Variants in CPXM2 observed in about 807,000 individuals in gnomAD.
CPXM2 encodes the protein carboxypeptidase X, M14 family member 2.
Under a neutral mutation model 86.1 loss-of-function variants are expected in CPXM2, and 66 were observed. The observed-to-expected ratio is 0.77, with a 90% CI of 0.63 to 0.94. The LOEUF (loss-of-function observed/expected upper bound fraction) is 0.94. Among genes scored for constraint, CPXM2 ranks in the 40% least tolerant of loss-of-function variants. The pLI is 0.00. For synonymous variants in CPXM2, 388 were observed against 400.2 expected (o/e 0.97, Z 0.36); for missense variants, 948 against 1,026.3 (o/e 0.92, Z 1.04).
rs1423884708 is a variant in CPXM2, at chr10:123,751,967, T to A, written c.2017+2696A>T. On this transcript the variant is annotated intron_variant, in intron 13 of 13. Transcript: ENST00000241305. ...AGCACCCATTAGGCAAAGTATTCTA[T>A]CTTGGCTTATGAGGCCCCAGGGTCT... The A allele has an allele frequency of 3.0e-6, 3 of 985,272 alleles. No homozygotes were observed. In the East Asian group the frequency reaches 3.4e-4, roughly 112 times the overall value. 61.0% of individuals were successfully genotyped at this position (985,272 alleles called of 1,614,324 possible). A position where few individuals can be genotyped will look rare whatever the true frequency, so the allele number is the denominator to read the frequency against.
upstream of CPXM2, among the ~76,000 whole-genome samples, chr10:123,895,542 T>C (rs572593503): frequency 1.3e-5 from 2 of 152,386 alleles, no homozygotes; most frequent in African/African-American, 4.8e-5. Flanking sequence ...AAAATTTCAA[T>C]AACTCCTTCT....
chr10:123,805,893 T>C (rs1213505954), intron 4 of CPXM2, among the ~76,000 whole-genome samples: 2 of 152,224 alleles, frequency 1.3e-5, no homozygotes, highest in African/African-American at 2.4e-5. Context: ...TGATAATTTC[T>C]ACTACTTCCA....
At chr10:123,882,221 T>C (rs1423389091) in intron 1 of CPXM2, among the ~76,000 whole-genome samples, 1 of 152,212 alleles carries the variant, frequency 6.6e-6, no homozygotes, top group East Asian at 1.9e-4. Flanking sequence ...TTCATTTCCA[T>C]GTAAGCTGAA....
intron 2 of CPXM2, among the ~76,000 whole-genome samples, chr10:123,936,962 G>A (rs1362359000): frequency 6.6e-6 from 1 of 152,176 alleles, no homozygotes; most frequent in African/African-American, 2.4e-5. Flanking sequence ...CTCCTCCCTG[G>A]AAGGCCGGGG....
At chr10:123,839,017 T>C (rs558418381) in intron 4 of CPXM2, among the ~76,000 whole-genome samples, 86 of 152,352 alleles carry the variant, frequency 5.6e-4, no homozygotes, top group African/African-American at 1.9e-3. Context: ...CCAAGAAAGA[T>C]TTTATTTGAG....
intron 13 of CPXM2, chr10:123,751,753 C>A: frequency 2.0e-6 from 2 of 985,380 alleles, no homozygotes; most frequent in South Asian, 9.4e-5. Context: ...GAAATCAAGG[C>A]AAATTCAGAG....
intron 10 of CPXM2, 93 bp from the exon 11 acceptor site, chr10:123,762,262 T>G: frequency 6.5e-7 from 1 of 1,545,050 alleles, no homozygotes; most frequent in Non-Finnish European, 8.9e-7. Context: ...AAGCAGTGCT[T>G]TTGTGGAATA....
intron 2 of CPXM2, among the ~76,000 whole-genome samples, chr10:123,869,518 G>T (rs1944856243): frequency 6.6e-6 from 1 of 152,180 alleles, no homozygotes; most frequent in African/African-American, 2.4e-5. Context: ...CAATCTAGAG[G>T]AAAGGAGAGT....
chr10:123,891,747 G>C lies in CPXM2; in HGVS notation c.-88C>G. 1.9e-6 allele frequency: 2 copies of C among 1,042,078 alleles called. No individual in the cohort carries two copies. The highest frequency in any genetic ancestry group is 2.5e-6 in the Non-Finnish European group (2 of 802,542). The allele number at this position is 1,042,078 out of a possible 1,614,324, so 64.6% of individuals were successfully genotyped here. A position where few individuals can be genotyped will look rare whatever the true frequency, so the allele number is the denominator to read the frequency against. Reference sequence around the variant, plus strand: ...GCGCAGAAGCTGGCGCGGGGCAAGGGCGCAGGGCACAGCAGAGCGGCGCGC... The same window carrying C: ...GCGCAGAAGCTGGCGCGGGGCAAGGCCGCAGGGCACAGCAGAGCGGCGCGC... On this transcript the variant is annotated 5_prime_UTR_variant, in exon 1 of 14. Coordinates refer to ENST00000241305, the MANE Select transcript of CPXM2 (RefSeq NM_198148.3). This position sits in a 1 kb window ranked among gnomAD's most constrained non-coding sequence, Gnocchi z 5.6.
At chr10:123,890,774 T>C (rs1006130077) in intron 1 of CPXM2, among the ~76,000 whole-genome samples, 4 of 151,926 alleles carry the variant, frequency 2.6e-5, no homozygotes, top group African/African-American at 9.7e-5. Context: ...CAAGCCGGAG[T>C]CCAGGCTGCA....
intron 6 of CPXM2, among the ~76,000 whole-genome samples, chr10:123,793,804 G>T (rs1313160528): frequency 6.6e-6 from 1 of 152,152 alleles, no homozygotes; most frequent in African/African-American, 2.4e-5. Flanking sequence ...CCACAAGAGG[G>T]TATTCAGACT....
intron 2 of CPXM2, among the ~76,000 whole-genome samples, chr10:123,924,902 C>T (rs1429930207): frequency 6.6e-6 from 1 of 152,066 alleles, no homozygotes; most frequent in Non-Finnish European, 1.5e-5. Context: ...CAAAATACCC[C>T]TATTAGAACA....
At chr10:123,933,983 G>C (rs535150789) in intron 2 of CPXM2, among the ~76,000 whole-genome samples, 2 of 152,246 alleles carry the variant, frequency 1.3e-5, no homozygotes, top group East Asian at 1.9e-4. Flanking sequence ...TGAGTCCCAG[G>C]CAGGTGTCAT....
intron 11 of CPXM2, 124 bp downstream of exon 11, chr10:123,761,748 T>G: frequency 1.1e-6 from 1 of 889,622 alleles, no homozygotes; most frequent in East Asian, 2.7e-5. Flanking sequence ...AGGTCCTAAG[T>G]GCTCCACCGT....
At chr10:123,840,005 C>T (rs183571924) in intron 4 of CPXM2, among the ~76,000 whole-genome samples, 1 of 152,328 alleles carries the variant, frequency 6.6e-6, no homozygotes, top group East Asian at 1.9e-4. Flanking sequence ...TTACCCCAAC[C>T]CTTCTTGTGT....
chr10:123,863,001 C>T (rs1848889426), intron 2 of CPXM2, among the ~76,000 whole-genome samples: 1 of 152,338 alleles, frequency 6.6e-6, no homozygotes, highest in South Asian at 2.1e-4. Flanking sequence ...CCTTCCCCAA[C>T]ATGACTCAGT....
chr10:123,879,346 C>G (rs925232884), intron 2 of CPXM2, among the ~76,000 whole-genome samples: 2 of 152,194 alleles, frequency 1.3e-5, no homozygotes, highest in Non-Finnish European at 2.9e-5. Context: ...TTATTTTAAG[C>G]TAACCAAAAA....
At chr10:123,938,746 C>T (rs1030222174) in intron 2 of CPXM2, among the ~76,000 whole-genome samples, 14 of 152,212 alleles carry the variant, frequency 9.2e-5, no homozygotes, top group African/African-American at 1.7e-4. Context: ...CACCCGTATA[C>T]GCTCTGGTCT....
At chr10:123,889,983 G>A (rs141043810) in intron 1 of CPXM2, among the ~76,000 whole-genome samples, 313 of 152,256 alleles carry the variant, frequency 2.1e-3, no homozygotes, top group South Asian at 4.4e-3. Context: ...AAGGCCTTGA[G>A]TTAAAAAGGA....
Sources: gnomAD v4.1 joint callset for allele counts (sites outside exome capture counted in the v4.1 genomes callset) on GRCh38, gnomAD v4.1.1 for gene constraint, Gnocchi (gnomAD v3.1) non-coding constraint, MANE v1.5 for transcripts, NCBI Gene and HGNC (gene_info 2026-07-23, HGNC 2026-07-21) for gene names.